RAB3C: variants seen among roughly 807,000 people sequenced by gnomAD.
RAB3C encodes the protein RAB3C, member RAS oncogene family.
In RAB3C, 17 loss-of-function variants were observed where a neutral mutation model predicts 26.4. The ratio of observed to expected loss-of-function variants is 0.64; its 90% confidence interval spans 0.44 to 0.97. The LOEUF is 0.97. Ranked by LOEUF, RAB3C falls within the 50% of genes least tolerant of loss-of-function variation. RAB3C has a pLI of 0.00. For synonymous variants in RAB3C, 91 were observed against 95.9 expected, an observed-to-expected ratio of 0.95 and a Z score of 0.30; for missense variants, 242 against 281.9, an observed-to-expected ratio of 0.86 and a Z score of 1.01.
At chr5:58,837,344 G>C (rs533276329) in intron 4 of RAB3C, among the ~76,000 whole-genome samples, 1 of 151,812 alleles carries the variant, frequency 6.6e-6, no homozygotes, top group Non-Finnish European at 1.5e-5. Context: ...ATCACTCCTG[G>C]CTAATTTTTA....
At chr5:58,765,475 A>G (rs977013013) in intron 3 of RAB3C, among the ~76,000 whole-genome samples, 5 of 152,238 alleles carry the variant, frequency 3.3e-5, no homozygotes, top group African/African-American at 4.8e-5. Flanking sequence ...CATCATGTGT[A>G]AAGAGGAAAG....
intron 1 of RAB3C, among the ~76,000 whole-genome samples, chr5:58,587,143 C>T (rs986489016): frequency 1.3e-5 from 2 of 152,110 alleles, no homozygotes; most frequent in African/African-American, 4.8e-5. Context: ...GAAAACTTAA[C>T]CTATAGCAAA....
chr5:58,793,160 G>A (rs1353401062), intron 3 of RAB3C, among the ~76,000 whole-genome samples: 2 of 152,080 alleles, frequency 1.3e-5, no homozygotes, highest in African/African-American at 4.8e-5. Flanking sequence ...ACCTCTCAGT[G>A]GGCCCTAAGG....
intron 3 of RAB3C, among the ~76,000 whole-genome samples, chr5:58,760,486 C>T (rs774699580): frequency 1.3e-5 from 2 of 152,092 alleles, no homozygotes; most frequent in Non-Finnish European, 2.9e-5. Flanking sequence ...CTTAGCATGG[C>T]GGCTCACTGT....
At chr5:58,741,962 C>T (rs1741283978) in intron 3 of RAB3C, 1 of 151,134 alleles carries the variant, frequency 6.6e-6, no homozygotes, top group South Asian at 2.1e-4. Flanking sequence ...TGAGAAAGCA[C>T]CACTGCACTC....
intron 3 of RAB3C, chr5:58,741,568 A>C (rs1238691415): frequency 1.3e-5 from 2 of 152,242 alleles, no homozygotes. Context: ...ACCAGAAACA[A>C]AGGTCAGCCA....
At chr5:58,590,724 G>A (rs374656518) in intron 1 of RAB3C, among the ~76,000 whole-genome samples, 4 of 151,984 alleles carry the variant, frequency 2.6e-5, no homozygotes, top group African/African-American at 9.6e-5. Flanking sequence ...TGCATTTTTC[G>A]TAGAGACATA....
rs1746421203 is a variant in RAB3C at position 58,600,245 on chromosome 5, T to G, written c.24+17013T>G. The stretch of plus-strand genomic sequence containing the variant: ...CCATGATGTTTTGGTGACTATGGCC[T>G]TATAGTTTAGTTTGAAATCAGGTAG... On this transcript the variant is annotated intron_variant, in intron 1 of 4. Transcript: ENST00000282878. 2.0e-5 allele frequency among the ~76,000 whole-genome samples: 3 copies of G among 152,206 alleles called. No individual in the cohort carries two copies. In the South Asian group the frequency reaches 6.2e-4, roughly 31 times the overall value.
chr5:58,802,340 T>A (rs1742827678), intron 3 of RAB3C, among the ~76,000 whole-genome samples: 1 of 152,192 alleles, frequency 6.6e-6, no homozygotes, highest in Non-Finnish European at 1.5e-5. Flanking sequence ...AAGACCCTCT[T>A]CAGGGTTCTT....
chr5:58,824,403 G>A (rs1743426551), intron 3 of RAB3C, among the ~76,000 whole-genome samples: 1 of 152,096 alleles, frequency 6.6e-6, no homozygotes, highest in Non-Finnish European at 1.5e-5. Flanking sequence ...CCTGTTTATA[G>A]CAACTTAAAA....
intron 2 of RAB3C, among the ~76,000 whole-genome samples, chr5:58,720,772 TC>T (rs1019829566): frequency 1.8e-4 from 27 of 152,038 alleles, no homozygotes; most frequent in African/African-American, 6.5e-4. Context: ...TCTATTTTTC[TC>T]TGTCTAGGTA....
intron 2 of RAB3C, among the ~76,000 whole-genome samples, chr5:58,663,502 GTTTAAAATA>G: frequency 6.7e-6 from 1 of 150,360 alleles, no homozygotes; most frequent in Non-Finnish European, 1.5e-5. Flanking sequence ...AGAATTTCAA[GTTTAAAATA>G]TTAAAATGTA....
chr5:58,836,519 C>T (rs1181421393), intron 4 of RAB3C, among the ~76,000 whole-genome samples: 1 of 152,162 alleles, frequency 6.6e-6, no homozygotes, highest in East Asian at 1.9e-4. Flanking sequence ...TTAACAAATA[C>T]TTCCTTGTGC....
At chr5:58,612,049 G>A (rs189104869) in intron 1 of RAB3C, among the ~76,000 whole-genome samples, 1,827 of 151,946 alleles carry the variant, frequency 0.012, 24 homozygotes, top group Non-Finnish European at 0.014. Context: ...GTAGGTGTGC[G>A]GTCTTATTTC....
chr5:58,587,928 G>T (rs182121229), intron 1 of RAB3C, among the ~76,000 whole-genome samples: 2 of 152,250 alleles, frequency 1.3e-5, no homozygotes, highest in Non-Finnish European at 2.9e-5. Flanking sequence ...AGAACATGCA[G>T]TATGAACATA....
At chr5:58,850,915 C>T (rs1220556562) in intron 4 of RAB3C, among the ~76,000 whole-genome samples, 1 of 152,102 alleles carries the variant, frequency 6.6e-6, no homozygotes, top group African/African-American at 2.4e-5. Context: ...AATGAATCAA[C>T]AGAGAAAAAT....
intron 2 of RAB3C, among the ~76,000 whole-genome samples, chr5:58,625,635 G>A (rs1387113540): frequency 1.3e-5 from 2 of 152,022 alleles, no homozygotes; most frequent in Non-Finnish European, 2.9e-5. Context: ...GAGGTGGGTG[G>A]ATCACGAGGT....
intron 4 of RAB3C, among the ~76,000 whole-genome samples, chr5:58,841,185 C>A (rs902254399): frequency 1.3e-5 from 2 of 152,154 alleles, no homozygotes; most frequent in African/African-American, 4.8e-5. Flanking sequence ...TGGCCAGGGG[C>A]AGATCAGCTG....
At chr5:58,611,742 C>A (rs554350036) in intron 1 of RAB3C, among the ~76,000 whole-genome samples, 1 of 152,222 alleles carries the variant, frequency 6.6e-6, no homozygotes, top group East Asian at 1.9e-4. Context: ...TTAATTAGAA[C>A]CTATTTGCCA....
Sources: allele counts gnomAD v4.1 joint callset (sites outside exome capture counted in the v4.1 genomes callset), GRCh38; gene constraint gnomAD v4.1.1; transcripts MANE v1.5; gene names NCBI Gene and HGNC (gene_info 2026-07-23, HGNC 2026-07-21).